Variants in VPS13D observed in about 807,000 individuals in gnomAD.
The protein encoded by VPS13D is vacuolar protein sorting 13 homolog D, also known as intermembrane lipid transfer protein VPS13D.
VPS13D carries 187 observed loss-of-function variants against 461.9 expected under a neutral mutation model. The ratio of observed to expected loss-of-function variants is 0.40; its 90% confidence interval spans 0.36 to 0.46. VPS13D has a LOEUF of 0.46. VPS13D is among the 20% of genes least tolerant of loss of function. The pLI is 0.60. For missense variants in VPS13D, 4,711 were observed against 5,364.9 expected (o/e 0.88, Z 3.81); for synonymous variants, 1,951 against 1,986.3 (o/e 0.98, Z 0.47).
intron 55 of VPS13D, among the ~76,000 whole-genome samples, 180 bp downstream of exon 55, chr1:12,374,038 T>A (rs1644162887): frequency 6.6e-6 from 1 of 152,188 alleles, no homozygotes; most frequent in Non-Finnish European, 1.5e-5. Context: ...AGGAGTAAGA[T>A]GACTTCTGGA....
intron 54 of VPS13D, among the ~76,000 whole-genome samples, chr1:12,372,876 C>G (rs557089458): frequency 2.7e-5 from 4 of 150,818 alleles, no homozygotes; most frequent in Admixed American, 2.6e-4. Context: ...CCAAACATCC[C>G]TAAGTGTAGC....
intron 67 of VPS13D, among the ~76,000 whole-genome samples, chr1:12,492,681 C>T (rs938006063): frequency 2.6e-5 from 4 of 152,190 alleles, no homozygotes; most frequent in Admixed American, 1.3e-4. Context: ...GAAACACGTA[C>T]AGGAATGTTC....
intron 66 of VPS13D, among the ~76,000 whole-genome samples, chr1:12,457,757 G>A (rs1645349125): frequency 6.6e-6 from 1 of 152,196 alleles, no homozygotes. Context: ...AAATGCCTTT[G>A]CTTTTCCTAA....
Position 12,363,169 on chromosome 1 carries a change from G to T in VPS13D, c.10370G>T (p.Arg3457Ile), listed in dbSNP as rs1401661854. 1 of 1,614,222 alleles carries T rather than the reference G, an allele frequency of 6.2e-7. No homozygotes were observed. The highest frequency in any genetic ancestry group is 8.5e-7 in the Non-Finnish European group (1 of 1,180,048). The change falls in exon 52 of 70, where the codon AGA (arginine) becomes ATA (isoleucine). Residue 3457 changes from arginine (R) to isoleucine (I), a missense_variant. Transcript: ENST00000620676. ...GACTATGATCAGCTATTGTGTGTCAGACTGATGGACGTTCCCAATTGTATT... is the reference window on the plus strand; with the variant it reads ...GACTATGATCAGCTATTGTGTGTCATACTGATGGACGTTCCCAATTGTATT... ...RNDYDQLLCV[R>I]LMDVPNCIWS...
intron 2 of VPS13D, among the ~76,000 whole-genome samples, chr1:12,238,573 A>G (rs1640241935): frequency 1.3e-5 from 2 of 151,724 alleles, no homozygotes; most frequent in South Asian, 4.2e-4. Context: ...GGATTAAATG[A>G]GATAATGTGT....
chr1:12,305,233 T>A (rs1361935284), intron 26 of VPS13D, among the ~76,000 whole-genome samples: 2 of 152,206 alleles, frequency 1.3e-5, no homozygotes, highest in Non-Finnish European at 2.9e-5. Flanking sequence ...AATTAGTCAT[T>A]CCAAATGAGA....
At chr1:12,480,664 A>G (rs1471243141) in intron 67 of VPS13D, among the ~76,000 whole-genome samples, 1 of 152,318 alleles carries the variant, frequency 6.6e-6, no homozygotes, top group East Asian at 1.9e-4. Flanking sequence ...AATTGTATAA[A>G]GGAATTCTGC....
chr1:12,395,143 G>A (rs1414700522), intron 60 of VPS13D, among the ~76,000 whole-genome samples: 1 of 152,152 alleles, frequency 6.6e-6, no homozygotes, highest in African/African-American at 2.4e-5. Context: ...TTGCCTGGCA[G>A]CTGCCTCAAG....
At chr1:12,254,877 G>A (rs557545532) in intron 7 of VPS13D, among the ~76,000 whole-genome samples, 184 of 151,806 alleles carry the variant, frequency 1.2e-3, no homozygotes, top group African/African-American at 4.1e-3. Flanking sequence ...TGAAACGGGG[G>A]AAAATAACTC....
intron 2 of VPS13D, among the ~76,000 whole-genome samples, chr1:12,236,997 C>G (rs1640168718): frequency 6.6e-6 from 1 of 151,956 alleles, no homozygotes; most frequent in African/African-American, 2.4e-5. Flanking sequence ...ATCATCCATC[C>G]TCATGATCAT....
At chr1:12,362,159 G>A (rs547202161) in intron 50 of VPS13D, among the ~76,000 whole-genome samples, 3 of 152,280 alleles carry the variant, frequency 2.0e-5, no homozygotes, top group Admixed American at 6.5e-5. Flanking sequence ...CACCACACCC[G>A]GCCATGAATA....
chr1:12,457,933 C>G (rs540050842), intron 66 of VPS13D, among the ~76,000 whole-genome samples: 1 of 152,314 alleles, frequency 6.6e-6, no homozygotes, highest in East Asian at 1.9e-4. Context: ...GTACATTGGA[C>G]TCTTAGAAGA....
chr1:12,342,168 CATCT>C (rs1388291965), intron 41 of VPS13D, among the ~76,000 whole-genome samples: 1 of 152,122 alleles, frequency 6.6e-6, no homozygotes, highest in Non-Finnish European at 1.5e-5. Flanking sequence ...AAAGCCATTC[CATCT>C]TTTCTCCTCG....
chr1:12,425,434 C>T (rs1042734353), intron 65 of VPS13D, among the ~76,000 whole-genome samples: 2 of 152,036 alleles, frequency 1.3e-5, no homozygotes, highest in Non-Finnish European at 2.9e-5. Flanking sequence ...TGGTGCATGC[C>T]TGTAATCCCA....
chr1:12,463,060 A>G (rs993756475), intron 67 of VPS13D, among the ~76,000 whole-genome samples: 1 of 152,190 alleles, frequency 6.6e-6, no homozygotes, highest in African/African-American at 2.4e-5. Context: ...GGCTGCAGAA[A>G]AAAAGGAAAA....
At chr1:12,290,752 A>G (rs1206612254) in intron 22 of VPS13D, among the ~76,000 whole-genome samples, 1 of 151,582 alleles carries the variant, frequency 6.6e-6, no homozygotes, top group Non-Finnish European at 1.5e-5. Flanking sequence ...ATGTTGCTGT[A>G]TTATTTCAGT....
rs1304824949 is a variant in VPS13D at position 12,429,997 on chromosome 1, C to T, written c.12333+13170C>T. Among the ~76,000 whole-genome samples the T allele has an allele frequency of 3.3e-5, 5 of 152,152 alleles. No homozygotes were observed. The East Asian group carries it at 5.8e-4, about 18-fold the overall frequency. On this transcript the variant is annotated intron_variant, in intron 65 of 69. Transcript: ENST00000620676. ...AAGCTGTTGAATTTATATAATAAAA[C>T]ATTGGTTTGGAAACCTTAATTGTTT...
At chr1:12,281,322 T>C (rs902865885) in intron 20 of VPS13D, among the ~76,000 whole-genome samples, 1 of 152,212 alleles carries the variant, frequency 6.6e-6, no homozygotes, top group Non-Finnish European at 1.5e-5. Flanking sequence ...ATTGGAAGCA[T>C]TGCATTTGGG....
At chr1:12,270,120 A>T (rs564980337) in intron 16 of VPS13D, among the ~76,000 whole-genome samples, 1 of 152,042 alleles carries the variant, frequency 6.6e-6, no homozygotes, top group South Asian at 2.1e-4. Context: ...ACACCACTGC[A>T]CTCCAGCCTG....
Sources: allele counts gnomAD v4.1 joint callset (sites outside exome capture counted in the v4.1 genomes callset), GRCh38; gene constraint gnomAD v4.1.1; transcripts MANE v1.5; gene names NCBI Gene and HGNC (gene_info 2026-07-23, HGNC 2026-07-21).